The following SUPT3H variants were observed in gnomAD, a reference collection of about 807,000 sequenced individuals.
SUPT3H encodes transcription initiation protein SPT3 homolog.
A neutral mutation model predicts 44.3 loss-of-function variants in SUPT3H; 44 were observed. That is an observed-to-expected ratio of 0.99 (90% confidence interval 0.78 to 1.28). SUPT3H has a LOEUF of 1.28. SUPT3H is among the 50% of genes most tolerant of loss of function. SUPT3H has a pLI of 0.00. For synonymous variants in SUPT3H, 124 were observed against 125.6 expected, an observed-to-expected ratio of 0.99 and a Z score of 0.09; for missense variants, 380 against 387.1, an observed-to-expected ratio of 0.98 and a Z score of 0.15.
intron 6 of SUPT3H, among the ~76,000 whole-genome samples, chr6:44,985,212 TAAATAAAATA>T (rs5875901): frequency 0.017 from 1,947 of 113,590 alleles, 34 homozygotes; most frequent in South Asian, 0.054. Context: ...AATAAATAAA[TAAATAAAATA>T]AAATAAAATA....
rs963865597 is a variant in SUPT3H at position 45,287,475 on chromosome 6, G to A, written c.101+77726C>T. Among the ~76,000 whole-genome samples, 33 of 152,096 alleles carry A rather than the reference G, an allele frequency of 2.2e-4. 1 individual carries two copies. Among genetic ancestry groups the A allele is most frequent in the African/African-American group, 8.0e-4 (33 of 41,424 alleles). ...ACTACAATACGGATGAACCATGAAGGTTGTTTAGTGAAATAAACCAGTCAC... is the reference window on the plus strand; with the variant it reads ...ACTACAATACGGATGAACCATGAAGATTGTTTAGTGAAATAAACCAGTCAC... On this transcript the variant is annotated intron_variant, in intron 2 of 10. Transcript: ENST00000371459.
At chr6:45,354,165 T>C (rs566337336) in intron 2 of SUPT3H, among the ~76,000 whole-genome samples, 1 of 152,282 alleles carries the variant, frequency 6.6e-6, no homozygotes, top group African/African-American at 2.4e-5. Flanking sequence ...AATTCCTCTA[T>C]GACTTTCAAA....
At chr6:45,174,634 ATACTC>A (rs892638441) in intron 2 of SUPT3H, among the ~76,000 whole-genome samples, 34 of 152,186 alleles carry the variant, frequency 2.2e-4, no homozygotes, top group Admixed American at 2.2e-3. Context: ...CCTTTACAAA[ATACTC>A]TAAAAGAGGA....
chr6:45,214,028 A>AC (rs1274853542), intron 2 of SUPT3H, among the ~76,000 whole-genome samples: 5 of 150,310 alleles, frequency 3.3e-5, no homozygotes, highest in African/African-American at 1.2e-4. Context: ...AAAAAAAAAA[A>AC]AAAAAAACAA....
chr6:44,938,387 T>C (rs971322131), intron 9 of SUPT3H, among the ~76,000 whole-genome samples: 2 of 152,172 alleles, frequency 1.3e-5, no homozygotes, highest in Non-Finnish European at 2.9e-5. Context: ...TGGCTGTAAA[T>C]ACATGGTTTT....
At chr6:44,974,307 T>C (rs1778013283) in intron 6 of SUPT3H, among the ~76,000 whole-genome samples, 2 of 150,696 alleles carry the variant, frequency 1.3e-5, no homozygotes, top group South Asian at 4.2e-4. Flanking sequence ...GTATAATGTG[T>C]GTGTATAAAT....
chr6:44,833,461 A>C (rs571330984), intron 10 of SUPT3H, among the ~76,000 whole-genome samples: 2 of 152,154 alleles, frequency 1.3e-5, no homozygotes, highest in Non-Finnish European at 2.9e-5. Flanking sequence ...AAATGCACTG[A>C]GAGGTCATTC....
At chr6:45,017,946 A>G (rs1008949768) in intron 4 of SUPT3H, among the ~76,000 whole-genome samples, 16 of 150,074 alleles carry the variant, frequency 1.1e-4, no homozygotes, top group African/African-American at 4.0e-4. Flanking sequence ...CAGTATGGCC[A>G]TTTTCACGAT....
intron 2 of SUPT3H, among the ~76,000 whole-genome samples, chr6:45,209,203 T>G (rs1381400772): frequency 1.3e-5 from 2 of 152,226 alleles, no homozygotes; most frequent in Non-Finnish European, 2.9e-5. Context: ...TCATGCCTGC[T>G]AGCACAACAT....
intron 6 of SUPT3H, among the ~76,000 whole-genome samples, chr6:44,980,679 A>G (rs1395631394): frequency 6.6e-6 from 1 of 152,206 alleles, no homozygotes; most frequent in Non-Finnish European, 1.5e-5. Context: ...AATTCATTAC[A>G]TCTATGTGAC....
At chr6:45,082,124 T>C (rs1430474257) in intron 3 of SUPT3H, among the ~76,000 whole-genome samples, 1 of 152,066 alleles carries the variant, frequency 6.6e-6, no homozygotes. Flanking sequence ...AGACCAATAC[T>C]GAGTTCCAGA....
intron 6 of SUPT3H, among the ~76,000 whole-genome samples, chr6:44,967,583 C>T (rs913935989): frequency 1.3e-5 from 2 of 152,166 alleles, no homozygotes; most frequent in Admixed American, 1.3e-4. Flanking sequence ...AGGTGTAAGG[C>T]TGGATTACTT....
intron 2 of SUPT3H, among the ~76,000 whole-genome samples, chr6:45,347,303 A>G (rs1044143635): frequency 2.0e-5 from 3 of 152,188 alleles, no homozygotes; most frequent in Non-Finnish European, 4.4e-5. Context: ...TGATATATAT[A>G]TGACTGTTAG....
intron 2 of SUPT3H, among the ~76,000 whole-genome samples, chr6:45,301,692 A>G (rs1782163252): frequency 6.6e-6 from 1 of 152,208 alleles, no homozygotes; most frequent in Non-Finnish European, 1.5e-5. Flanking sequence ...ACATTGTCAA[A>G]TACTTGAAAG....
At chr6:45,077,417 A>G (rs1367940999) in intron 3 of SUPT3H, among the ~76,000 whole-genome samples, 2 of 152,068 alleles carry the variant, frequency 1.3e-5, no homozygotes, top group Non-Finnish European at 2.9e-5. Context: ...GCTTAAGTCC[A>G]GGAGTTTGAA....
At position 45,056,853 on chromosome 6, in the gene SUPT3H, TA is replaced by T. The variant is rs573401650; in HGVS notation, c.187-36222del. 6.6e-5 allele frequency among the ~76,000 whole-genome samples: 10 copies of T among 151,546 alleles called. No individual in the cohort carries two copies. In the South Asian group the frequency reaches 1.5e-3, roughly 22 times the overall value. On this transcript the variant is annotated intron_variant, in intron 3 of 10. Coordinates refer to ENST00000371459, the MANE Select transcript of SUPT3H (RefSeq NM_003599.4). ...AAGTTTCCCCCAAACCAATTGAAAT[TA>T]AAAAAAAGTTCCAGTCTTAAACAAC... is the stretch of plus-strand genomic sequence containing the variant.
chr6:44,902,391 G>A (rs1324553138), intron 10 of SUPT3H, among the ~76,000 whole-genome samples: 1 of 152,106 alleles, frequency 6.6e-6, no homozygotes, highest in Non-Finnish European at 1.5e-5. Flanking sequence ...CCTAGTCTCT[G>A]ATAAAACAGA....
At chr6:45,251,874 G>C (rs1772435088) in intron 2 of SUPT3H, among the ~76,000 whole-genome samples, 1 of 151,974 alleles carries the variant, frequency 6.6e-6, no homozygotes, top group Non-Finnish European at 1.5e-5. Context: ...GATATGAACT[G>C]TTCATAGTAT....
intron 10 of SUPT3H, among the ~76,000 whole-genome samples, chr6:44,906,248 G>C (rs1766051676): frequency 6.6e-6 from 1 of 152,114 alleles, no homozygotes; most frequent in Admixed American, 6.5e-5. Context: ...GAGTGTTAAT[G>C]AATGCAAAGA....
Sources: gnomAD v4.1 joint callset for allele counts (sites outside exome capture counted in the v4.1 genomes callset) on GRCh38, gnomAD v4.1.1 for gene constraint, MANE v1.5 for transcripts, NCBI Gene and HGNC (gene_info 2026-07-23, HGNC 2026-07-21) for gene names.